The following GDAP1 variants were observed in gnomAD, a reference collection of about 807,000 sequenced individuals.
The protein encoded by GDAP1 is ganglioside induced differentiation associated protein 1.
A neutral mutation model predicts 40.1 loss-of-function variants in GDAP1; 34 were observed. The ratio of observed to expected loss-of-function variants is 0.85; its 90% confidence interval spans 0.64 to 1.13. The LOEUF is 1.13. Ranked by LOEUF, GDAP1 falls within the 50% of genes most tolerant of loss-of-function variation. GDAP1 has a pLI of 0.00. For missense variants in GDAP1, 374 were observed against 433.7 expected, an observed-to-expected ratio of 0.86 and a Z score of 1.22; for synonymous variants, 170 against 157.4, an observed-to-expected ratio of 1.08 and a Z score of -0.60.
intron 2 of GDAP1, among the ~76,000 whole-genome samples, chr8:74,400,118 T>A (rs1810296494): frequency 6.7e-6 from 1 of 149,370 alleles, no homozygotes; most frequent in Non-Finnish European, 1.5e-5. Flanking sequence ...TGACTTGCTG[T>A]CTCGTTGATC....
chr8:74,460,146 G>T (rs1234675245), intron 2 of GDAP1, among the ~76,000 whole-genome samples: 2 of 152,192 alleles, frequency 1.3e-5, no homozygotes, highest in African/African-American at 4.8e-5. Context: ...AGTATTCATT[G>T]CACTGCTATA....
At chr8:74,409,901 A>G (rs1805688099) in intron 2 of GDAP1, among the ~76,000 whole-genome samples, 1 of 149,904 alleles carries the variant, frequency 6.7e-6, no homozygotes, top group Admixed American at 6.6e-5. Flanking sequence ...AGAAAGATGG[A>G]CTTGAGACTG....
At chr8:74,422,309 C>CT (rs1563465236) in intron 2 of GDAP1, among the ~76,000 whole-genome samples, 1 of 39,422 alleles carries the variant, frequency 2.5e-5, no homozygotes, top group Admixed American at 3.3e-4. Context: ...TTCTTTCTTT[C>CT]TTTCTTTCTT....
chr8:74,390,948 C>G (rs1810099181), intron 2 of GDAP1, among the ~76,000 whole-genome samples: 1 of 152,190 alleles, frequency 6.6e-6, no homozygotes. Flanking sequence ...GGGCTCTGCC[C>G]AGTTTGAACT....
At chr8:74,462,163 T>C (rs957249788) in intron 2 of GDAP1, among the ~76,000 whole-genome samples, 1 of 152,226 alleles carries the variant, frequency 6.6e-6, no homozygotes, top group Non-Finnish European at 1.5e-5. Flanking sequence ...GGCTAGGTGA[T>C]TTTAACTATA....
chr8:74,476,556 G>T (rs986172775), intron 2 of GDAP1, among the ~76,000 whole-genome samples: 1 of 152,168 alleles, frequency 6.6e-6, no homozygotes, highest in Non-Finnish European at 1.5e-5. Flanking sequence ...AGTCTGGCAG[G>T]ATATGAAAGC....
chr8:74,446,989 G>A (rs1806237463), intron 2 of GDAP1, among the ~76,000 whole-genome samples: 1 of 152,054 alleles, frequency 6.6e-6, no homozygotes, highest in East Asian at 1.9e-4. Flanking sequence ...GGTGATGGTA[G>A]CGCAAACTTG....
At chr8:74,436,708 C>T (rs1452716171) in intron 2 of GDAP1, among the ~76,000 whole-genome samples, 1 of 152,186 alleles carries the variant, frequency 6.6e-6, no homozygotes, top group Non-Finnish European at 1.5e-5. Flanking sequence ...AGGCGTGAGC[C>T]ACTGCGCCCG....
intron 2 of GDAP1, among the ~76,000 whole-genome samples, chr8:74,471,269 G>A (rs1052932270): frequency 1.3e-5 from 2 of 151,890 alleles, no homozygotes; most frequent in African/African-American, 4.8e-5. Flanking sequence ...CCATTTGTCA[G>A]TTTTGGCTTT....
At chr8:74,428,969 G>T (rs1018490505) in intron 2 of GDAP1, among the ~76,000 whole-genome samples, 2 of 150,112 alleles carry the variant, frequency 1.3e-5, no homozygotes, top group South Asian at 4.2e-4. Context: ...GCGGTGTTTG[G>T]TTTTTTGTCC....
rs1268801202 is a variant in GDAP1, at chr8:74,451,221, G to A, written c.166-37457G>A. ...TCCTAGCACTTTAGGGGGCTGAGGC[G>A]GGTGGATCACTTGAGGCCAGGAGTT... On this transcript the variant is annotated intron_variant, in intron 2 of 2. Transcript: ENST00000523640. 2.4e-5 allele frequency among the ~76,000 whole-genome samples: 2 copies of A among 82,594 alleles called. 1 individual carries two copies. Among genetic ancestry groups the A allele is most frequent in the Non-Finnish European group, 4.9e-5 (2 of 40,830 alleles). The allele number at this position is 82,594 out of a possible 152,430, so 54.2% of individuals were successfully genotyped here. A position where few individuals can be genotyped will look rare whatever the true frequency, so the allele number is the denominator to read the frequency against.
intron 2 of GDAP1, among the ~76,000 whole-genome samples, chr8:74,410,402 AC>A (rs1168129794): frequency 6.7e-6 from 1 of 150,282 alleles, no homozygotes; most frequent in East Asian, 1.9e-4. Flanking sequence ...TACTGAGAAA[AC>A]ATAAGAGTCT....
intron 2 of GDAP1, among the ~76,000 whole-genome samples, chr8:74,422,493 C>CTCCTTCCTTCCTTCCT (rs67444628): frequency 0.059 from 6,224 of 104,620 alleles, 292 homozygotes; most frequent in Admixed American, 0.073. Flanking sequence ...TCCCTCCTTT[C>CTCCTTCCTTCCTTCCT]TCCTTCCTTC....
intron 2 of GDAP1, among the ~76,000 whole-genome samples, chr8:74,487,820 C>T (rs1315380143): frequency 1.3e-5 from 2 of 152,114 alleles, no homozygotes; most frequent in Non-Finnish European, 2.9e-5. Context: ...AGAGGAAAGG[C>T]ATCCATCCTG....
chr8:74,365,873 G>A lies in GDAP1; in HGVS notation c.*1506G>A, dbSNP rs1485227540. ...TTTATAACATTTAAAATTTGCACAT[G>A]AGTGTGTTGTCATATGGAGTGTCTG... On this transcript the variant is annotated 3_prime_UTR_variant, in exon 6 of 6. Coordinates refer to ENST00000220822, the MANE Select transcript of GDAP1 (RefSeq NM_018972.4). 2.2e-6 allele frequency: 1 copy of A among 454,234 alleles called. No homozygotes were observed. The highest frequency in any genetic ancestry group is 4.4e-6 in the Non-Finnish European group (1 of 226,776). The allele number at this position is 454,234 out of a possible 1,614,324, so 28.1% of individuals were successfully genotyped here.
chr8:74,397,006 C>T (rs1297065013), intron 2 of GDAP1, among the ~76,000 whole-genome samples: 1 of 152,180 alleles, frequency 6.6e-6, no homozygotes, highest in Non-Finnish European at 1.5e-5. Context: ...TCCACATCCT[C>T]TCTAGCACCT....
At chr8:74,438,414 T>G (rs545751309) in intron 2 of GDAP1, among the ~76,000 whole-genome samples, 1 of 152,342 alleles carries the variant, frequency 6.6e-6, no homozygotes, top group African/African-American at 2.4e-5. Context: ...AAGTTAGACC[T>G]GTCAGACTTT....
intron 2 of GDAP1, among the ~76,000 whole-genome samples, chr8:74,487,490 A>G (rs932358952): frequency 6.6e-6 from 1 of 152,156 alleles, no homozygotes; most frequent in Non-Finnish European, 1.5e-5. Flanking sequence ...TGATGGCTAG[A>G]TGAACATAGC....
At chr8:74,371,060 T>A (rs1483067368), downstream of GDAP1, among the ~76,000 whole-genome samples, 1 of 152,204 alleles carries the variant, frequency 6.6e-6, no homozygotes, top group African/African-American at 2.4e-5. Flanking sequence ...GAAATTCAAT[T>A]GGGATATAGA....
Sources: allele counts gnomAD v4.1 joint callset (sites outside exome capture counted in the v4.1 genomes callset), GRCh38; gene constraint gnomAD v4.1.1; transcripts MANE v1.5; gene names NCBI Gene and HGNC (gene_info 2026-07-23, HGNC 2026-07-21).